The following WWTR1 variants were observed in gnomAD, a reference collection of about 807,000 sequenced individuals.
WWTR1 encodes WW domain-containing transcription regulator protein 1.
Under a neutral mutation model 40.1 loss-of-function variants are expected in WWTR1, and 13 were observed. The ratio of observed to expected loss-of-function variants is 0.32; its 90% confidence interval spans 0.21 to 0.52. The LOEUF is 0.52. WWTR1 is among the 20% of genes least tolerant of loss of function. WWTR1 has a pLI of 0.97. For missense variants in WWTR1, 436 were observed against 523.1 expected (o/e 0.83, Z 1.63); for synonymous variants, 230 against 210.1 (o/e 1.09, Z -0.82).
chr3:149,660,984 A>C (rs1713546836), upstream of WWTR1: 1 of 152,306 alleles, frequency 6.6e-6, no homozygotes, highest in Non-Finnish European at 1.5e-5. Context: ...CTTCCACTTA[A>C]TCTGGACTGG....
intron 3 of WWTR1, among the ~76,000 whole-genome samples, chr3:149,559,293 C>CA (rs57470539): frequency 0.083 from 4,770 of 57,722 alleles, 165 homozygotes; most frequent in Non-Finnish European, 0.092. Context: ...GACTCCATCT[C>CA]AAAAAAAAAA....
intron 2 of WWTR1, among the ~76,000 whole-genome samples, chr3:149,652,173 C>T (rs1015534880): frequency 6.6e-6 from 1 of 151,578 alleles, no homozygotes; most frequent in Admixed American, 6.6e-5. Context: ...GAATCATATA[C>T]GAATAAGATG....
At chr3:149,604,036 T>G (rs984109364) in intron 2 of WWTR1, among the ~76,000 whole-genome samples, 6 of 152,160 alleles carry the variant, frequency 3.9e-5, no homozygotes, top group Non-Finnish European at 7.3e-5. Context: ...AGAAACTTTT[T>G]AAACTCCATA....
intron 3 of WWTR1, among the ~76,000 whole-genome samples, chr3:149,558,550 C>A (rs540764205): frequency 2.0e-5 from 3 of 152,316 alleles, no homozygotes; most frequent in South Asian, 4.1e-4. Context: ...ACCCCACCTT[C>A]CATAGACACT....
intron 3 of WWTR1, among the ~76,000 whole-genome samples, chr3:149,569,233 A>G (rs1039295949): frequency 6.6e-6 from 1 of 152,248 alleles, no homozygotes; most frequent in Non-Finnish European, 1.5e-5. Flanking sequence ...AATCATTTTT[A>G]TTCTAGAAAG....
chr3:149,665,697 T>A (rs1446698029), intron 2 of WWTR1, among the ~76,000 whole-genome samples: 1 of 152,104 alleles, frequency 6.6e-6, no homozygotes, highest in African/African-American at 2.4e-5. Context: ...GAAACAAAGA[T>A]CTGTGAATAC....
chr3:149,536,674 G>A (rs1735851383), intron 4 of WWTR1, among the ~76,000 whole-genome samples: 2 of 151,264 alleles, frequency 1.3e-5, no homozygotes, highest in Admixed American at 6.6e-5. Context: ...TCTCGTCCCT[G>A]TTGCCCCGGC....
Position 149,524,989 on chromosome 3 carries a change from C to T in WWTR1, c.1018+1024G>A, listed in dbSNP as rs1735229582. Among the ~76,000 whole-genome samples the T allele has an allele frequency of 5.3e-5, 8 of 152,240 alleles. No homozygotes were observed. In the South Asian group the frequency reaches 1.7e-3, roughly 32 times the overall value. On this transcript the variant is annotated intron_variant, in intron 6 of 6. Transcript: ENST00000360632. ...GAGTTTATGACTTTCATAATTAAGT[C>T]TAGGTAAGGCTAATAAGACTAACTT...
At chr3:149,543,262 A>G (rs1302195894) in intron 3 of WWTR1, among the ~76,000 whole-genome samples, 5 of 152,248 alleles carry the variant, frequency 3.3e-5, no homozygotes, top group Admixed American at 2.6e-4. Flanking sequence ...TCTGCATTTA[A>G]CAACCAGTGA....
Position 149,540,093 on chromosome 3 carries a change from C to T in WWTR1, c.771+2242G>A, listed in dbSNP as rs1035020621. 91 of 389,660 alleles carry T rather than the reference C, an allele frequency of 2.3e-4. No individual in the cohort carries two copies. The East Asian group carries it at 5.9e-3, about 25-fold the overall frequency. The allele number at this position is 389,660 out of a possible 1,614,324, so 24.1% of individuals were successfully genotyped here. ...CTCCTCCTAACTACACACACACACA[C>T]ACACACACACACACACACACACACA... On this transcript the variant is annotated intron_variant, in intron 4 of 6. Coordinates refer to ENST00000360632, the MANE Select transcript of WWTR1 (RefSeq NM_015472.6).
chr3:149,674,746 T>C (rs1714206406), intron 1 of WWTR1, among the ~76,000 whole-genome samples: 1 of 152,198 alleles, frequency 6.6e-6, no homozygotes, highest in South Asian at 2.1e-4. Context: ...ACTGTTCCTT[T>C]GGTTAAGCAA....
intron 2 of WWTR1, among the ~76,000 whole-genome samples, chr3:149,589,767 T>C (rs1738609268): frequency 6.7e-6 from 1 of 149,032 alleles, no homozygotes; most frequent in Non-Finnish European, 1.5e-5. Flanking sequence ...ATTAAAAAAC[T>C]ACTCATAGAA....
intron 1 of WWTR1, chr3:149,670,995 G>C (rs568250654): frequency 6.6e-6 from 1 of 152,240 alleles, no homozygotes; most frequent in South Asian, 2.1e-4. Context: ...AGCTGCCTGG[G>C]GATTAAGCAT....
chr3:149,661,364 A>C (rs1713565301), upstream of WWTR1: 1 of 152,220 alleles, frequency 6.6e-6, no homozygotes, highest in African/African-American at 2.4e-5. Flanking sequence ...AAGCCACAAA[A>C]TATTGAAATG....
At chr3:149,592,262 T>C (rs541468578) in intron 2 of WWTR1, among the ~76,000 whole-genome samples, 24 of 152,380 alleles carry the variant, frequency 1.6e-4, no homozygotes, top group African/African-American at 5.5e-4. Flanking sequence ...ATTCATTTTA[T>C]GTGTAACTTT....
intron 1 of WWTR1, among the ~76,000 whole-genome samples, chr3:149,683,736 A>T (rs1714536698): frequency 6.6e-6 from 1 of 152,206 alleles, no homozygotes; most frequent in Non-Finnish European, 1.5e-5. Flanking sequence ...GATTTAGACA[A>T]GAGCCAGGGG....
intron 1 of WWTR1, among the ~76,000 whole-genome samples, chr3:149,689,105 G>C (rs1265999119): frequency 6.6e-6 from 1 of 152,140 alleles, no homozygotes; most frequent in South Asian, 2.1e-4. Context: ...GGGCATGCTT[G>C]GAGTGGTGGC....
chr3:149,665,836 C>T (rs997867178), intron 2 of WWTR1, among the ~76,000 whole-genome samples: 3 of 152,048 alleles, frequency 2.0e-5, no homozygotes, highest in Admixed American at 1.3e-4. Context: ...ATATGTGTAA[C>T]ATGATAACAC....
intron 2 of WWTR1, among the ~76,000 whole-genome samples, chr3:149,591,620 T>G (rs76905027): frequency 0.018 from 2,794 of 152,268 alleles, 93 homozygotes; most frequent in African/African-American, 0.063. Context: ...AGAGATAAAT[T>G]CCAATTTTTC....
Sources: allele counts gnomAD v4.1 joint callset (sites outside exome capture counted in the v4.1 genomes callset), GRCh38; gene constraint gnomAD v4.1.1; transcripts MANE v1.5; gene names NCBI Gene and HGNC (gene_info 2026-07-23, HGNC 2026-07-21).